Variants in JAKMIP1 observed in about 807,000 individuals in gnomAD.
JAKMIP1 encodes the protein janus kinase and microtubule interacting protein 1.
JAKMIP1 carries 33 observed loss-of-function variants against 113.0 expected under a neutral mutation model. The observed-to-expected ratio is 0.29, with a 90% CI of 0.22 to 0.39. The LOEUF (loss-of-function observed/expected upper bound fraction) is 0.39, where lower values mean the gene tolerates loss of function less well. Ranked by LOEUF, JAKMIP1 falls within the 10% of genes least tolerant of loss-of-function variation. The pLI, the probability that JAKMIP1 is intolerant of heterozygous loss-of-function variation, is 1.00. For missense variants in JAKMIP1, 813 were observed against 1,080.5 expected, an observed-to-expected ratio of 0.75 and a Z score of 3.47; for synonymous variants, 480 against 459.9, an observed-to-expected ratio of 1.04 and a Z score of -0.56.
chr4:6,083,330 G>A (rs1720854287), intron 5 of JAKMIP1, among the ~76,000 whole-genome samples: 1 of 151,050 alleles, frequency 6.6e-6, no homozygotes, highest in African/African-American at 2.4e-5. Context: ...TTGAACCCGG[G>A]AGGCAGAGGT....
At chr4:6,189,105 TGC>T (rs1726953463) in intron 1 of JAKMIP1, among the ~76,000 whole-genome samples, 1 of 152,150 alleles carries the variant, frequency 6.6e-6, no homozygotes, top group Non-Finnish European at 1.5e-5. Flanking sequence ...TCTTCCACAG[TGC>T]ATTCGGAGGG....
intron 1 of JAKMIP1, among the ~76,000 whole-genome samples, chr4:6,120,073 G>A (rs115437254): frequency 1.9e-3 from 285 of 152,192 alleles, no homozygotes; most frequent in Middle Eastern, 6.8e-3. Flanking sequence ...CAAAAATTAC[G>A]TGGAAATCCC....
rs1457672122 is a variant in JAKMIP1 at position 6,150,071 on chromosome 4, C to A, written c.-147-37074G>T. Among the ~76,000 whole-genome samples, 1 of 152,166 alleles carries A rather than the reference C, an allele frequency of 6.6e-6. No homozygotes were observed. Among genetic ancestry groups the A allele is most frequent in the African/African-American group, 2.4e-5 (1 of 41,426 alleles). On this transcript the variant is annotated intron_variant, in intron 1 of 20. Transcript: ENST00000409021. This position sits in a 1 kb window ranked among gnomAD's most constrained non-coding sequence, Gnocchi z 4.8. The stretch of plus-strand genomic sequence containing the variant: ...CTCATTCTTCCAAGAAACACGCCTA[C>A]AAGTTTGTGGAGCGCCTGCCATATG...
rs191988907 is a variant in JAKMIP1 at position 6,162,454 on chromosome 4, G to A, written c.-148+37799C>T. 6.6e-6 allele frequency among the ~76,000 whole-genome samples: 1 copy of A among 152,276 alleles called. No homozygotes were observed. The highest frequency in any genetic ancestry group is 1.9e-4 in the East Asian group (1 of 5,162). ...AGAGGCCACATGAGCCAAGTGACAG[G>A]GGCAGATGGAGCCAGGGCCCTTGGT... On this transcript the variant is annotated intron_variant, in intron 1 of 20. Coordinates refer to ENST00000409021, the MANE Select transcript of JAKMIP1 (RefSeq NM_001099433.2). This position sits in a 1 kb window ranked among gnomAD's most constrained non-coding sequence, Gnocchi z 5.6.
chr4:6,130,999 C>G (rs1284116088), intron 1 of JAKMIP1, among the ~76,000 whole-genome samples: 2 of 151,566 alleles, frequency 1.3e-5, no homozygotes, highest in Non-Finnish European at 2.9e-5. Flanking sequence ...CATGATGAAA[C>G]CCTGTCTCTA....
Position 6,136,428 on chromosome 4 carries a change from C to T in JAKMIP1, c.-147-23431G>A, listed in dbSNP as rs1260858534. On this transcript the variant is annotated intron_variant, in intron 1 of 20. Coordinates refer to ENST00000409021, the MANE Select transcript of JAKMIP1 (RefSeq NM_001099433.2). This position sits in a 1 kb window ranked among gnomAD's most constrained non-coding sequence, Gnocchi z 5.9. The stretch of plus-strand genomic sequence containing the variant: ...AGCAGGAATGAAGGAAGCAAAGCCA[C>T]GACGTTGAGGGACCTGCTGGAAGGA... Among the ~76,000 whole-genome samples, 1 of 151,956 alleles carries T rather than the reference C, an allele frequency of 6.6e-6. No homozygotes were observed. The highest frequency in any genetic ancestry group is 1.5e-5 in the Non-Finnish European group (1 of 67,990).
At chr4:6,166,758 G>A (rs941247771) in intron 1 of JAKMIP1, among the ~76,000 whole-genome samples, 2 of 152,216 alleles carry the variant, frequency 1.3e-5, no homozygotes, top group African/African-American at 4.8e-5. Flanking sequence ...AGCTGCAGGG[G>A]TGCTGCGCAC....
At position 6,051,370 on chromosome 4, in the gene JAKMIP1, G is replaced by A. The variant is rs528565821; in HGVS notation, c.1807-691C>T. Among the ~76,000 whole-genome samples the A allele has an allele frequency of 2.6e-5, 4 of 152,128 alleles. No homozygotes were observed. Among genetic ancestry groups the A allele is most frequent in the Middle Eastern group, 3.4e-3 (1 of 294 alleles). On this transcript the variant is annotated intron_variant, in intron 13 of 20. Transcript: ENST00000409021. This position sits in a 1 kb window ranked among gnomAD's most constrained non-coding sequence, Gnocchi z 5.0. The stretch of plus-strand genomic sequence containing the variant: ...CCCAAGTAGCTGGGATTACAGGCAC[G>A]CGCCACCACACCGGGCTAATTTTGT...
chr4:6,042,711 G>A lies in JAKMIP1; in HGVS notation c.2029-484C>T, dbSNP rs565555590. 6.6e-6 allele frequency among the ~76,000 whole-genome samples: 1 copy of A among 152,108 alleles called. No individual in the cohort carries two copies. Among genetic ancestry groups the A allele is most frequent in the East Asian group, 1.9e-4 (1 of 5,142 alleles). The stretch of plus-strand genomic sequence containing the variant: ...TCACACGGGTGCAGAATGGAGATTT[G>A]GAACCCAGCCTGCAGGATGCCAAAG... On this transcript the variant is annotated intron_variant, in intron 16 of 20. Coordinates refer to ENST00000409021, the MANE Select transcript of JAKMIP1 (RefSeq NM_001099433.2). The surrounding 1 kb of genome is among the most constrained non-coding windows in gnomAD (Gnocchi z 5.2).
Position 6,108,248 on chromosome 4 carries a change from G to A in JAKMIP1, c.130-2281C>T, listed in dbSNP as rs1714296735. ...CCACAGAAGCAGCAGAGTGAGGCTG[G>A]GGTGACCTCTGATGGGCACAGAGCA... On this transcript the variant is annotated intron_variant, in intron 2 of 20. Transcript: ENST00000409021. This position sits in a 1 kb window ranked among gnomAD's most constrained non-coding sequence, Gnocchi z 5.6. 2.0e-5 allele frequency among the ~76,000 whole-genome samples: 3 copies of A among 152,048 alleles called. No homozygotes were observed. The highest frequency in any genetic ancestry group is 7.2e-5 in the African/African-American group (3 of 41,388).
chr4:6,119,372 C>T (rs890647252), intron 1 of JAKMIP1, among the ~76,000 whole-genome samples: 3 of 152,068 alleles, frequency 2.0e-5, no homozygotes, highest in Admixed American at 1.3e-4. Flanking sequence ...TGAAGAAACC[C>T]CCCTCTCGGC....
At position 6,088,825 on chromosome 4, in the gene JAKMIP1, T is replaced by C. The variant is rs974716943; in HGVS notation, c.625-3196A>G. Among the ~76,000 whole-genome samples the C allele has an allele frequency of 6.6e-6, 1 of 152,164 alleles. No homozygotes were observed. The highest frequency in any genetic ancestry group is 1.5e-5 in the Non-Finnish European group (1 of 68,030). On this transcript the variant is annotated intron_variant, in intron 3 of 20. Transcript: ENST00000409021. The surrounding 1 kb of genome is among the most constrained non-coding windows in gnomAD (Gnocchi z 5.5). Reference sequence around the variant, plus strand: ...CTTCCTGGAACTGCTCACCTGACCATATGGAACATCCCTCAGCTTCCTTCC... The same window carrying C: ...CTTCCTGGAACTGCTCACCTGACCACATGGAACATCCCTCAGCTTCCTTCC...
At chr4:6,101,992 A>T (rs1183315070) in intron 3 of JAKMIP1, among the ~76,000 whole-genome samples, 2 of 151,880 alleles carry the variant, frequency 1.3e-5, no homozygotes, top group African/African-American at 4.8e-5. Context: ...TGATATCTAT[A>T]CTAAGTCTTC....
chr4:6,048,747 C>A, intron 16 of JAKMIP1, 110 bp downstream of exon 16: 2 of 856,888 alleles, frequency 2.3e-6, no homozygotes, highest in Non-Finnish European at 3.9e-6. Context: ...CAGACGCAGA[C>A]GGACTGGAAC....
rs568165456 is a variant in JAKMIP1 at position 6,154,459 on chromosome 4, G to C, written c.-147-41462C>G. On this transcript the variant is annotated intron_variant, in intron 1 of 20. Coordinates refer to ENST00000409021, the MANE Select transcript of JAKMIP1 (RefSeq NM_001099433.2). The surrounding 1 kb of genome is among the most constrained non-coding windows in gnomAD (Gnocchi z 4.2). ...ACCGAACAGAAGCCTTTAGTTCCCT[G>C]AGTGATTGGACAAGGAATTTGTCAG... is the stretch of plus-strand genomic sequence containing the variant. 6.6e-6 allele frequency among the ~76,000 whole-genome samples: 1 copy of C among 151,076 alleles called. No individual in the cohort carries two copies. The highest frequency in any genetic ancestry group is 2.1e-4 in the South Asian group (1 of 4,738).
chr4:6,120,180 CTTTT>C (rs11370537), intron 1 of JAKMIP1, among the ~76,000 whole-genome samples: 3 of 146,702 alleles, frequency 2.0e-5, no homozygotes, highest in Admixed American at 6.8e-5. Context: ...TCTAGCCACA[CTTTT>C]TTTTTTTTTT....
rs1285706889 is a variant in JAKMIP1, at chr4:6,150,606, C to T, written c.-147-37609G>A. 1 of 152,264 alleles carries T rather than the reference C, an allele frequency of 6.6e-6. No individual in the cohort carries two copies. Among genetic ancestry groups the T allele is most frequent in the South Asian group, 2.1e-4 (1 of 4,826 alleles). 9.4% of individuals were successfully genotyped at this position (152,264 alleles called of 1,614,324 possible). On this transcript the variant is annotated intron_variant, in intron 1 of 20. Transcript: ENST00000409021. The surrounding 1 kb of genome is among the most constrained non-coding windows in gnomAD (Gnocchi z 4.8). ...TCAACGGACTCCTGACCTTCATGAA[C>T]AGACCACGGGGCCGGCAGCACCTGC...
rs549456814 is a variant in JAKMIP1, at chr4:6,081,015, C to CACACACACAAA, written c.1101+593_1101+594insTTTGTGTGTGT. ...CACACACACACACACACACACACACCTGCATCTGCTACAGTGCAGACAGCA... is the reference window on the plus strand; with the variant it reads ...CACACACACACACACACACACACACCACACACACAAATGCATCTGCTACAGTGCAGACAGCA... On this transcript the variant is annotated intron_variant, in intron 6 of 20. Transcript: ENST00000409021. This position sits in a 1 kb window ranked among gnomAD's most constrained non-coding sequence, Gnocchi z 4.6. Among the ~76,000 whole-genome samples, 194 of 33,698 alleles carry CACACACACAAA rather than the reference C, an allele frequency of 5.8e-3. 1 individual carries two copies. The highest frequency in any genetic ancestry group is 0.026 in the African/African-American group (192 of 7,402). The allele number at this position is 33,698 out of a possible 152,430, so 22.1% of individuals were successfully genotyped here.
chr4:6,101,901 G>C (rs1713104324), intron 3 of JAKMIP1, among the ~76,000 whole-genome samples: 1 of 29,432 alleles, frequency 3.4e-5, no homozygotes, highest in Non-Finnish European at 7.8e-5. Flanking sequence ...GCAAGACTCA[G>C]TTAAAAAAAA....
Sources: gnomAD v4.1 joint callset for allele counts (sites outside exome capture counted in the v4.1 genomes callset) on GRCh38, gnomAD v4.1.1 for gene constraint, Gnocchi (gnomAD v3.1) non-coding constraint, MANE v1.5 for transcripts, NCBI Gene and HGNC (gene_info 2026-07-23, HGNC 2026-07-21) for gene names.